The following EPB41L4A variants were observed in gnomAD, a reference collection of about 807,000 sequenced individuals.
The protein encoded by EPB41L4A is band 4.1-like protein 4A.
Under a neutral mutation model 108.6 loss-of-function variants are expected in EPB41L4A, and 100 were observed. The observed-to-expected ratio is 0.92, with a 90% CI of 0.78 to 1.09. EPB41L4A has a LOEUF of 1.09. Ranked by LOEUF, EPB41L4A falls within the 50% of genes least tolerant of loss-of-function variation. The pLI is 0.00. For missense variants in EPB41L4A, 1,030 were observed against 842.7 expected, an observed-to-expected ratio of 1.22 and a Z score of -2.75; for synonymous variants, 319 against 289.0, an observed-to-expected ratio of 1.10 and a Z score of -1.05.
At chr5:112,346,957 C>G (rs1019743) in intron 1 of EPB41L4A, among the ~76,000 whole-genome samples, 2 of 152,016 alleles carry the variant, frequency 1.3e-5, no homozygotes, top group Non-Finnish European at 1.5e-5. Flanking sequence ...TGGGAGTAGG[C>G]GCCCAATATT....
intron 1 of EPB41L4A, among the ~76,000 whole-genome samples, chr5:112,325,442 TAAAA>T (rs11294749): frequency 5.8e-5 from 6 of 103,488 alleles, no homozygotes; most frequent in Admixed American, 2.2e-4. Context: ...CTCCGTCTCA[TAAAA>T]AAAAAAAAAA....
intron 1 of EPB41L4A, among the ~76,000 whole-genome samples, chr5:112,339,858 T>C (rs1027297773): frequency 6.6e-6 from 1 of 152,100 alleles, no homozygotes; most frequent in Non-Finnish European, 1.5e-5. Context: ...TTCAAATGCA[T>C]AAATATTTAA....
intron 13 of EPB41L4A, among the ~76,000 whole-genome samples, chr5:112,208,381 GAAT>G (rs1762571773): frequency 6.6e-6 from 1 of 151,878 alleles, no homozygotes; most frequent in East Asian, 1.9e-4. Flanking sequence ...ATACACCATG[GAAT>G]ACTACACAGC....
chr5:112,374,816 C>T (rs1416731831), intron 1 of EPB41L4A, among the ~76,000 whole-genome samples: 16 of 152,224 alleles, frequency 1.1e-4, no homozygotes, highest in Admixed American at 9.2e-4. Flanking sequence ...AAGACTGTCA[C>T]TACTAAAAGA....
chr5:112,170,134 A>G lies in EPB41L4A; in HGVS notation c.1739+167T>C, dbSNP rs1192533280. On this transcript the variant is annotated intron_variant, in intron 20 of 22. Transcript: ENST00000261486. Reference sequence around the variant, plus strand: ...GATGATAGTGATTATAGTGTAGAATAAGTAGCTTTAATGCACACTTTTCTT... The same window carrying G: ...GATGATAGTGATTATAGTGTAGAATGAGTAGCTTTAATGCACACTTTTCTT... 1.4e-5 allele frequency: 9 copies of G among 648,260 alleles called. No homozygotes were observed. In the East Asian group the frequency reaches 2.6e-4, roughly 18 times the overall value. The allele number at this position is 648,260 out of a possible 1,614,324, so 40.2% of individuals were successfully genotyped here.
intron 1 of EPB41L4A, among the ~76,000 whole-genome samples, chr5:112,369,845 C>T (rs553022428): frequency 6.6e-6 from 1 of 152,300 alleles, no homozygotes; most frequent in East Asian, 1.9e-4. Flanking sequence ...GGCTCACTGG[C>T]CTCCACACTC....
chr5:112,284,795 C>T (rs976244327), intron 2 of EPB41L4A, among the ~76,000 whole-genome samples: 2 of 152,206 alleles, frequency 1.3e-5, no homozygotes, highest in Admixed American at 1.3e-4. Context: ...GCCTGTCAAT[C>T]TTAATCACAG....
intron 2 of EPB41L4A, 136 bp downstream of exon 2, chr5:112,307,250 G>C: frequency 1.7e-6 from 1 of 603,122 alleles, no homozygotes; most frequent in Non-Finnish European, 2.9e-6. Flanking sequence ...GAAATTATCA[G>C]GGGAAAACAT....
At chr5:112,199,821 TA>T (rs1762135653) in intron 15 of EPB41L4A, among the ~76,000 whole-genome samples, 13 of 152,226 alleles carry the variant, frequency 8.5e-5, no homozygotes, top group Admixed American at 8.5e-4. Flanking sequence ...TCTCACTGGC[TA>T]CTGAAACCAT....
At position 112,164,932 on chromosome 5, in the gene EPB41L4A, C is replaced by CAA. The variant is rs1760139567; in HGVS notation, c.*56_*57dup. On this transcript the variant is annotated 3_prime_UTR_variant, in exon 23 of 23. Transcript: ENST00000261486. ...AATTAAGATACCTATTTCACAGTTT[C>CAA]AAAAGTACCAGTGGCGCACACAACC... is the stretch of plus-strand genomic sequence containing the variant. 1.3e-6 allele frequency: 2 copies of CAA among 1,482,600 alleles called. No individual in the cohort carries two copies. 91.8% of individuals were successfully genotyped at this position (1,482,600 alleles called of 1,614,324 possible). A position where few individuals can be genotyped will look rare whatever the true frequency, so the allele number is the denominator to read the frequency against.
chr5:112,217,226 G>A (rs1394606087), intron 12 of EPB41L4A, among the ~76,000 whole-genome samples: 7 of 152,132 alleles, frequency 4.6e-5, no homozygotes, highest in Non-Finnish European at 1.0e-4. Flanking sequence ...TTACAGGCGT[G>A]AGCCACCGCA....
chr5:112,308,210 T>G (rs1433351323), intron 1 of EPB41L4A, among the ~76,000 whole-genome samples: 1 of 152,170 alleles, frequency 6.6e-6, no homozygotes, highest in African/African-American at 2.4e-5. Flanking sequence ...TAAGAAACAC[T>G]TGTATAGATA....
intron 12 of EPB41L4A, among the ~76,000 whole-genome samples, chr5:112,151,508 A>G (rs1759468864): frequency 6.6e-6 from 1 of 151,912 alleles, no homozygotes; most frequent in Admixed American, 6.6e-5. Context: ...CCAGGGTTCA[A>G]GTGATCCTCC....
chr5:112,414,431 G>T (rs1267083367), intron 1 of EPB41L4A, among the ~76,000 whole-genome samples: 1 of 152,170 alleles, frequency 6.6e-6, no homozygotes, highest in Non-Finnish European at 1.5e-5. Flanking sequence ...GCAACATCTG[G>T]GGAGATTTTT....
chr5:112,389,386 TC>T (rs1159557365), intron 1 of EPB41L4A, among the ~76,000 whole-genome samples: 2 of 152,178 alleles, frequency 1.3e-5, no homozygotes, highest in Non-Finnish European at 2.9e-5. Flanking sequence ...AACAGACTCA[TC>T]CATGCTAAAG....
At chr5:112,385,293 G>T (rs978207617) in intron 1 of EPB41L4A, among the ~76,000 whole-genome samples, 12 of 152,086 alleles carry the variant, frequency 7.9e-5, no homozygotes, top group Non-Finnish European at 1.6e-4. Context: ...GATTCAACTT[G>T]GGAAGTTTGG....
intron 18 of EPB41L4A, 82 bp from the exon 19 acceptor site, chr5:112,171,074 C>T: frequency 8.1e-7 from 1 of 1,230,998 alleles, no homozygotes; most frequent in South Asian, 1.3e-5. Context: ...AGTTTTCAGA[C>T]TGTGAAGTTC....
At chr5:112,347,358 G>C (rs1682075007) in intron 1 of EPB41L4A, among the ~76,000 whole-genome samples, 1 of 152,326 alleles carries the variant, frequency 6.6e-6, no homozygotes, top group Non-Finnish European at 1.5e-5. Context: ...AGTAGAATTA[G>C]GTTGAATTTT....
chr5:112,386,102 T>C (rs928490711), intron 1 of EPB41L4A, among the ~76,000 whole-genome samples: 11 of 152,252 alleles, frequency 7.2e-5, no homozygotes, highest in Admixed American at 5.9e-4. Flanking sequence ...ATGCACTGCA[T>C]CCTTTCAGCC....
Sources: gnomAD v4.1 joint callset for allele counts (sites outside exome capture counted in the v4.1 genomes callset) on GRCh38, gnomAD v4.1.1 for gene constraint, MANE v1.5 for transcripts, NCBI Gene and HGNC (gene_info 2026-07-23, HGNC 2026-07-21) for gene names.